Variants in DNAJC6 observed in about 807,000 individuals in gnomAD.
DNAJC6 encodes DnaJ heat shock protein family (Hsp40) member C6, also known as auxilin.
A neutral mutation model predicts 110.0 loss-of-function variants in DNAJC6; 34 were observed. The ratio of observed to expected loss-of-function variants is 0.31; its 90% CI spans 0.24 to 0.41. The LOEUF (loss-of-function observed/expected upper bound fraction) is 0.41. Ranked by LOEUF, DNAJC6 falls within the 10% of genes least tolerant of loss-of-function variation. The pLI is 1.00. For missense variants in DNAJC6, 1,031 were observed against 1,207.8 expected, an observed-to-expected ratio of 0.85 and a Z score of 2.17; for synonymous variants, 406 against 437.2, an observed-to-expected ratio of 0.93 and a Z score of 0.89.
intron 1 of DNAJC6, among the ~76,000 whole-genome samples, chr1:65,342,367 C>A (rs556075806): frequency 6.6e-6 from 1 of 152,062 alleles, no homozygotes; most frequent in African/African-American, 2.4e-5. Flanking sequence ...CCATCGTGAA[C>A]GAGATTAGTG....
chr1:65,325,282 A>C (rs1645232031), intron 1 of DNAJC6, among the ~76,000 whole-genome samples: 2 of 152,208 alleles, frequency 1.3e-5, no homozygotes, highest in Admixed American at 1.3e-4. Flanking sequence ...GTGCTGTGTC[A>C]GATAAAAAAG....
Position 65,413,083 on chromosome 1 carries a change from A to G in DNAJC6, c.*58A>G. 1 of 1,510,508 alleles carries G rather than the reference A, an allele frequency of 6.6e-7. No homozygotes were observed. The highest frequency in any genetic ancestry group is 9.1e-7 in the Non-Finnish European group (1 of 1,101,756). The allele number at this position is 1,510,508 out of a possible 1,614,324, so 93.6% of individuals were successfully genotyped here. A position where few individuals can be genotyped will look rare whatever the true frequency, so the allele number is the denominator to read the frequency against. ...GTGCTAATGCTTAGTGTGTGTCACAATTCTGAGGTTTTCGCAGATGAACCA... is the reference window on the plus strand; with the variant it reads ...GTGCTAATGCTTAGTGTGTGTCACAGTTCTGAGGTTTTCGCAGATGAACCA... On this transcript the variant is annotated 3_prime_UTR_variant, in exon 19 of 19. Coordinates refer to ENST00000371069, the MANE Select transcript of DNAJC6 (RefSeq NM_001256864.2).
intron 4 of DNAJC6, among the ~76,000 whole-genome samples, chr1:65,368,550 CTCCT>C (rs573797449): frequency 1.3e-4 from 20 of 149,276 alleles, no homozygotes; most frequent in African/African-American, 2.2e-4. Context: ...TCCTTCCCTT[CTCCT>C]TCCTTCCTTC....
At chr1:65,412,892 G>A (rs1646141483) in intron 18 of DNAJC6, 32 bp from the exon 19 acceptor site, 2 of 1,583,134 alleles carry the variant, frequency 1.3e-6, no homozygotes, top group Non-Finnish European at 1.7e-6. Flanking sequence ...TTGGTCTGTG[G>A]TATCTAATGT....
intron 1 of DNAJC6, among the ~76,000 whole-genome samples, chr1:65,356,548 A>G (rs1645545242): frequency 1.3e-5 from 2 of 151,512 alleles, no homozygotes; most frequent in Admixed American, 1.3e-4. Context: ...TAGATAACAG[A>G]ATGATACTCT....
At chr1:65,290,574 A>G (rs368261056) in intron 1 of DNAJC6, among the ~76,000 whole-genome samples, 2 of 152,340 alleles carry the variant, frequency 1.3e-5, no homozygotes, top group Admixed American at 6.5e-5. Flanking sequence ...CTTAAATAAT[A>G]ACTTTTCCAC....
chr1:65,332,023 C>G (rs1557525933), intron 1 of DNAJC6, among the ~76,000 whole-genome samples: 1 of 152,156 alleles, frequency 6.6e-6, no homozygotes, highest in South Asian at 2.1e-4. Context: ...CCTGGAGTCT[C>G]TCAGCATGTC....
intron 1 of DNAJC6, among the ~76,000 whole-genome samples, chr1:65,302,239 A>G (rs1262852181): frequency 2.0e-5 from 2 of 99,636 alleles, no homozygotes; most frequent in African/African-American, 4.1e-5. Context: ...TATTATATTG[A>G]TATATTAATA....
chr1:65,392,437 A>G lies in DNAJC6; in HGVS notation c.1475A>G (p.Lys492Arg). 6.9e-6 allele frequency: 11 copies of G among 1,593,906 alleles called. No individual in the cohort carries two copies. Among genetic ancestry groups the G allele is most frequent in the Non-Finnish European group, 8.6e-6 (10 of 1,169,216 alleles). Reference protein sequence around the residue: ...FFASLCWQDQKSEKSFCEEDH... With the variant: ...FFASLCWQDQRSEKSFCEEDH... ...GTATACTGGCCTTCCTCAGATCAGA[A>G]ATCGGAGAAGTCATTCTGTGAGGAG... The change falls in exon 12 of 19, where the codon AAA becomes AGA. Residue 492 changes from lysine (K) to arginine (R), a missense_variant. Lys to Arg is a conservative substitution (Grantham distance 26). Coordinates refer to ENST00000371069, the MANE Select transcript of DNAJC6 (RefSeq NM_001256864.2).
intron 7 of DNAJC6, among the ~76,000 whole-genome samples, chr1:65,386,335 G>C (rs1032267658): frequency 6.6e-6 from 1 of 152,220 alleles, no homozygotes; most frequent in African/African-American, 2.4e-5. Context: ...GGTCATAGGG[G>C]ATGTGGAGAG....
At chr1:65,352,531 C>G (rs1645501578) in intron 1 of DNAJC6, among the ~76,000 whole-genome samples, 2 of 152,172 alleles carry the variant, frequency 1.3e-5, no homozygotes, top group Non-Finnish European at 2.9e-5. Flanking sequence ...AAATATATTT[C>G]AGTTTTAATG....
At chr1:65,412,589 G>T (rs988117078) in intron 18 of DNAJC6, among the ~76,000 whole-genome samples, 1 of 152,186 alleles carries the variant, frequency 6.6e-6, no homozygotes, top group Non-Finnish European at 1.5e-5. Flanking sequence ...TGGGAAAATG[G>T]GAGTTAAAAA....
chr1:65,359,871 A>G (rs1211118888), intron 1 of DNAJC6, among the ~76,000 whole-genome samples: 1 of 152,186 alleles, frequency 6.6e-6, no homozygotes, highest in Non-Finnish European at 1.5e-5. Context: ...TGGACATTGA[A>G]ATTTGACCCT....
At chr1:65,370,496 A>G (rs566132650) in intron 4 of DNAJC6, among the ~76,000 whole-genome samples, 36 of 152,200 alleles carry the variant, frequency 2.4e-4, no homozygotes, top group Non-Finnish European at 4.6e-4. Context: ...ACCTTTACAC[A>G]TTTCTTGGCA....
intron 1 of DNAJC6, among the ~76,000 whole-genome samples, chr1:65,346,627 C>A (rs545924391): frequency 1.3e-5 from 2 of 151,972 alleles, no homozygotes. Context: ...CCTGCCCCAC[C>A]CTTCCTCATC....
In DNAJC6 at chr1:65,373,097, A is replaced by G. The variant is rs9436718; in HGVS notation, c.544-6305A>G. Among the ~76,000 whole-genome samples the G allele has an allele frequency of 4.3e-3, 651 of 152,244 alleles. 7 individuals carry two copies. The highest frequency in any genetic ancestry group is 0.015 in the African/African-American group (627 of 41,536). On this transcript the variant is annotated intron_variant, in intron 4 of 18. Coordinates refer to ENST00000371069, the MANE Select transcript of DNAJC6 (RefSeq NM_001256864.2). ...CTATGCTTGGGTTATTTCAGTTATA[A>G]TGGCCTCCAGTTCCATCCATGTTGC...
chr1:65,363,792 T>C (rs1302457423), intron 1 of DNAJC6, among the ~76,000 whole-genome samples: 3 of 152,068 alleles, frequency 2.0e-5, no homozygotes, highest in East Asian at 1.9e-4. Context: ...GTGCTGAGAT[T>C]GAGAAGCCCT....
chr1:65,304,640 A>G (rs1645020477), upstream of DNAJC6, among the ~76,000 whole-genome samples: 3 of 152,326 alleles, frequency 2.0e-5, no homozygotes, highest in East Asian at 1.9e-4. Context: ...TTAAGAGCAG[A>G]GTCAGGAGAG....
At chr1:65,328,736 C>G (rs924052299) in intron 1 of DNAJC6, among the ~76,000 whole-genome samples, 1 of 152,154 alleles carries the variant, frequency 6.6e-6, no homozygotes, top group Non-Finnish European at 1.5e-5. Flanking sequence ...ATGGTGGAAC[C>G]TTAGAGTTGG....
Sources: allele counts gnomAD v4.1 joint callset (sites outside exome capture counted in the v4.1 genomes callset), GRCh38; gene constraint gnomAD v4.1.1; transcripts MANE v1.5; gene names NCBI Gene and HGNC (gene_info 2026-07-23, HGNC 2026-07-21).